The following TENM1 variants were observed in gnomAD, a reference collection of about 807,000 sequenced individuals.
The protein encoded by TENM1 is teneurin transmembrane protein 1.
Under a neutral mutation model 174.8 loss-of-function variants are expected in TENM1, and 35 were observed. That is an observed-to-expected ratio of 0.20 (90% confidence interval 0.15 to 0.27). The LOEUF is 0.27. TENM1 is among the 10% of genes least tolerant of loss of function. The pLI, the probability that TENM1 is intolerant of heterozygous loss-of-function variation, is 1.00. For synonymous variants in TENM1, 781 were observed against 798.7 expected (o/e 0.98, Z 0.37); for missense variants, 1,633 against 2,130.1 (o/e 0.77, Z 4.59).
chrX:124,941,935 A>G (rs5956714), intron 1 of TENM1, among the ~76,000 whole-genome samples: 2,482 of 111,579 alleles, frequency 0.022, 70 homozygotes, highest in African/African-American at 0.077. Context: ...ATGAGAGCCA[A>G]GTGAAAGGGT....
intron 1 of TENM1, among the ~76,000 whole-genome samples, chrX:124,900,015 A>G (rs1034925090): frequency 1.2e-4 from 13 of 112,669 alleles, no homozygotes; most frequent in African/African-American, 3.9e-4. Context: ...AGTTAAAGCC[A>G]TACTTACCAA....
chrX:125,102,235 T>C, the TENM1 span, among the ~76,000 whole-genome samples: 1 of 108,915 alleles, frequency 9.2e-6, no homozygotes, highest in Non-Finnish European at 1.9e-5. Flanking sequence ...CCACTCCTTT[T>C]TTTTTTTTTT....
the TENM1 span, among the ~76,000 whole-genome samples, chrX:125,051,471 G>A: frequency 9.0e-6 from 1 of 111,095 alleles, no homozygotes; most frequent in Non-Finnish European, 1.9e-5. Flanking sequence ...AACCAAAACA[G>A]CATGGTCTTG....
chrX:124,967,504 G>A (rs1010690964), upstream of TENM1, among the ~76,000 whole-genome samples: 6 of 111,109 alleles, frequency 5.4e-5, no homozygotes, highest in African/African-American at 2.0e-4. Context: ...ATCTAGCCCC[G>A]AGAGCTTTCT....
the TENM1 span, among the ~76,000 whole-genome samples, chrX:125,111,489 A>G: frequency 2.7e-5 from 3 of 112,210 alleles, no homozygotes; most frequent in African/African-American, 9.7e-5. Context: ...AAAATATTTA[A>G]GTGATGCCAT....
chrX:125,013,184 C>T, the TENM1 span, among the ~76,000 whole-genome samples: 299 of 110,264 alleles, frequency 2.7e-3, 1 homozygote, highest in African/African-American at 9.6e-3. Context: ...GCTCATAACC[C>T]TGTTAGACAT....
the TENM1 span, among the ~76,000 whole-genome samples, chrX:124,984,359 A>G: frequency 2.4e-4 from 27 of 112,542 alleles, 1 homozygote; most frequent in Middle Eastern, 0.018. Flanking sequence ...ATGATTAATG[A>G]CTAATTGGGA....
chrX:124,927,101 T>A (rs2058102653), intron 1 of TENM1, among the ~76,000 whole-genome samples: 1 of 112,176 alleles, frequency 8.9e-6, no homozygotes, highest in African/African-American at 3.2e-5. Flanking sequence ...TAACTACAAA[T>A]GTCAGTTGAA....
intron 3 of TENM1, among the ~76,000 whole-genome samples, chrX:124,867,264 A>T (rs1461889256): frequency 8.9e-6 from 1 of 112,154 alleles, no homozygotes; most frequent in East Asian, 2.8e-4. Flanking sequence ...AACTGAATTC[A>T]ACAGTATATT....
chrX:124,709,205 G>A (rs1322667949), intron 4 of TENM1, among the ~76,000 whole-genome samples: 1 of 111,758 alleles, frequency 8.9e-6, no homozygotes, highest in East Asian at 2.8e-4. Context: ...CTTTATTACA[G>A]TCGATATCTC....
At chrX:124,810,004 T>C (rs1182564703) in intron 3 of TENM1, among the ~76,000 whole-genome samples, 1 of 110,982 alleles carries the variant, frequency 9.0e-6, no homozygotes, top group Non-Finnish European at 1.9e-5. Context: ...CCCCAACATG[T>C]GGGGATTACA....
At chrX:125,029,178 T>C in the TENM1 span, among the ~76,000 whole-genome samples, 1 of 111,552 alleles carries the variant, frequency 9.0e-6, no homozygotes, top group African/African-American at 3.3e-5. Flanking sequence ...ACTCTTCTTC[T>C]GGAGAGCTCT....
the TENM1 span, among the ~76,000 whole-genome samples, chrX:125,101,396 T>C: frequency 8.9e-6 from 1 of 112,030 alleles, no homozygotes; most frequent in Non-Finnish European, 1.9e-5. Context: ...TTGGGGAATA[T>C]GTGAAATGGG....
chrX:124,747,162 A>C (rs2053939893), intron 3 of TENM1, among the ~76,000 whole-genome samples: 1 of 107,019 alleles, frequency 9.3e-6, no homozygotes, highest in African/African-American at 3.4e-5. Flanking sequence ...TAAATAAATA[A>C]ATAAATAAAT....
chrX:124,401,192 C>T (rs145131047), intron 27 of TENM1, among the ~76,000 whole-genome samples: 1,815 of 110,958 alleles, frequency 0.016, 11 homozygotes, highest in Non-Finnish European at 0.028. Context: ...TTTTTCTTTC[C>T]AGCTAAAAGG....
At chrX:124,947,433 A>T (rs1744662216) in intron 1 of TENM1, among the ~76,000 whole-genome samples, 1 of 111,942 alleles carries the variant, frequency 8.9e-6, no homozygotes, top group African/African-American at 3.2e-5. Flanking sequence ...TTCAAGTTTC[A>T]ACTGGGCTGT....
chrX:125,005,680 C>G, the TENM1 span, among the ~76,000 whole-genome samples: 3 of 109,849 alleles, frequency 2.7e-5, no homozygotes, highest in Admixed American at 2.9e-4. Context: ...AACTGAGGTA[C>G]CCAGTTTATC....
chrX:125,153,269 C>G, the TENM1 span, among the ~76,000 whole-genome samples: 1 of 111,435 alleles, frequency 9.0e-6, no homozygotes. Flanking sequence ...AAATCACTTA[C>G]TGCATTAATT....
intron 3 of TENM1, among the ~76,000 whole-genome samples, chrX:124,849,479 G>A: frequency 9.8e-6 from 1 of 101,662 alleles, no homozygotes. Flanking sequence ...GCTGTGAGTA[G>A]ACCTATGGAA....
Sources: allele counts gnomAD v4.1 joint callset (sites outside exome capture counted in the v4.1 genomes callset), GRCh38; gene constraint gnomAD v4.1.1; transcripts MANE v1.5; gene names NCBI Gene and HGNC (gene_info 2026-07-23, HGNC 2026-07-21).